The following LAMA2 variants were observed in gnomAD, a reference collection of about 807,000 sequenced individuals.
LAMA2 encodes laminin subunit alpha-2.
Under a neutral mutation model 364.8 loss-of-function variants are expected in LAMA2, and 269 were observed. The observed-to-expected ratio is 0.74, with a 90% CI of 0.67 to 0.82. LAMA2 has a LOEUF of 0.82. Ranked by LOEUF, LAMA2 falls within the 40% of genes least tolerant of loss-of-function variation. The probability of loss-of-function intolerance (pLI) is 0.00; values close to 1 mark genes in which losing one functional copy is unlikely to be tolerated. For missense variants in LAMA2, 3,807 were observed against 3,873.2 expected, an observed-to-expected ratio of 0.98 and a Z score of 0.45; for synonymous variants, 1,379 against 1,370.6, an observed-to-expected ratio of 1.01 and a Z score of -0.14.
At chr6:129,367,404 G>C (rs1397016123) in intron 33 of LAMA2, among the ~76,000 whole-genome samples, 2 of 152,094 alleles carry the variant, frequency 1.3e-5, no homozygotes, top group Non-Finnish European at 2.9e-5. Flanking sequence ...CAATAATCAA[G>C]CAATTAGCAA....
rs566229034 is a variant in LAMA2 at position 129,405,221 on chromosome 6, G to A, written c.5865+1262G>A. The stretch of plus-strand genomic sequence containing the variant: ...CACCTAAAATGGTGCCTGGCAAATA[G>A]TAGGCACTTATAAATGAATGAGTGT... On this transcript the variant is annotated intron_variant, in intron 40 of 64. Transcript: ENST00000421865. 3.9e-5 allele frequency among the ~76,000 whole-genome samples: 6 copies of A among 152,204 alleles called. No homozygotes were observed. The East Asian group carries it at 1.2e-3, about 29-fold the overall frequency.
chr6:128,962,752 A>G (rs1781613134), intron 1 of LAMA2, among the ~76,000 whole-genome samples: 1 of 152,184 alleles, frequency 6.6e-6, no homozygotes, highest in Non-Finnish European at 1.5e-5. Flanking sequence ...CCCAATCACA[A>G]CTGTGATTAA....
chr6:129,424,576 A>G (rs941304760), intron 40 of LAMA2, among the ~76,000 whole-genome samples: 1 of 152,008 alleles, frequency 6.6e-6, no homozygotes, highest in African/African-American at 2.4e-5. Context: ...AAAGATTTAA[A>G]CAGGTCACCA....
intron 1 of LAMA2, among the ~76,000 whole-genome samples, chr6:128,925,925 C>T (rs902654850): frequency 3.9e-5 from 6 of 152,198 alleles, no homozygotes; most frequent in African/African-American, 1.4e-4. Flanking sequence ...TGGGCCTAAA[C>T]TGAATAGGCC....
intron 28 of LAMA2, among the ~76,000 whole-genome samples, chr6:129,327,404 G>GAA (rs4053204): frequency 6.7e-6 from 1 of 148,320 alleles, no homozygotes; most frequent in African/African-American, 2.5e-5. Flanking sequence ...ATTTTTAAGT[G>GAA]AAAAAAAAAA....
chr6:129,200,186 GTATA>G (rs1323656929), intron 12 of LAMA2, among the ~76,000 whole-genome samples: 2 of 129,238 alleles, frequency 1.5e-5, no homozygotes, highest in Non-Finnish European at 3.3e-5. Flanking sequence ...ATATACATGT[GTATA>G]TATACATGTA....
intron 12 of LAMA2, among the ~76,000 whole-genome samples, chr6:129,230,061 A>C (rs1044289515): frequency 6.6e-6 from 1 of 152,180 alleles, no homozygotes; most frequent in Admixed American, 6.6e-5. Context: ...TAGATGTGAT[A>C]ACCAAGAAAA....
intron 35 of LAMA2, among the ~76,000 whole-genome samples, chr6:129,386,168 T>C (rs533831695): frequency 1.3e-5 from 2 of 152,210 alleles, no homozygotes; most frequent in South Asian, 4.1e-4. Context: ...TTGAATTAAG[T>C]TGGAAATAAA....
At chr6:129,044,258 G>T (rs1481612365) in intron 1 of LAMA2, among the ~76,000 whole-genome samples, 1 of 151,804 alleles carries the variant, frequency 6.6e-6, no homozygotes, top group African/African-American at 2.4e-5. Context: ...TGGGAGCTTT[G>T]CTCCAATAAA....
intron 45 of LAMA2, among the ~76,000 whole-genome samples, chr6:129,450,797 G>A (rs756735528): frequency 2.6e-5 from 4 of 152,120 alleles, no homozygotes; most frequent in Non-Finnish European, 4.4e-5. Context: ...CAGGGATAAC[G>A]CACTATGCTA....
chr6:129,116,061 A>T (rs775200337), intron 4 of LAMA2, among the ~76,000 whole-genome samples: 42 of 152,152 alleles, frequency 2.8e-4, no homozygotes, highest in Non-Finnish European at 1.5e-4. Context: ...TATTCTTTAG[A>T]AACTTGCTCT....
chr6:129,069,684 CAAT>C (rs1252488451), intron 3 of LAMA2, among the ~76,000 whole-genome samples: 5 of 147,486 alleles, frequency 3.4e-5, no homozygotes, highest in Admixed American at 2.7e-4. Flanking sequence ...TATAATTGTA[CAAT>C]AATAATGTGT....
chr6:129,431,118 G>T (rs1038100376), intron 41 of LAMA2, among the ~76,000 whole-genome samples: 6 of 151,934 alleles, frequency 3.9e-5, no homozygotes, highest in Middle Eastern at 3.2e-3. Context: ...TAACATGTTG[G>T]CCAGGTGCGG....
In LAMA2 at chr6:129,516,359, G is replaced by A; in HGVS notation, c.*12G>A. On this transcript the variant is annotated 3_prime_UTR_variant, in exon 65 of 65. Coordinates refer to ENST00000421865, the MANE Select transcript of LAMA2 (RefSeq NM_000426.4). ...GCCCAGCCAACTAATAAAAATAAGT[G>A]TAACCCCAGGAAGAGTCTGTCAAAA... is the stretch of plus-strand genomic sequence containing the variant. 6.2e-7 allele frequency: 1 copy of A among 1,613,040 alleles called. No homozygotes were observed. Among genetic ancestry groups the A allele is most frequent in the South Asian group, 1.1e-5 (1 of 91,038 alleles).
chr6:128,947,858 G>A (rs557865473), intron 1 of LAMA2, among the ~76,000 whole-genome samples: 59 of 152,182 alleles, frequency 3.9e-4, no homozygotes, highest in African/African-American at 1.3e-3. Flanking sequence ...AGCAGAAATT[G>A]CAAAGAGTGA....
chr6:129,401,422 A>G, intron 38 of LAMA2, 82 bp downstream of exon 38: 5 of 864,434 alleles, frequency 5.8e-6, no homozygotes, highest in Admixed American at 3.4e-5. Flanking sequence ...AGAAGCAAAT[A>G]CTAGTACTTG....
At chr6:128,959,791 T>C in intron 1 of LAMA2, among the ~76,000 whole-genome samples, 1 of 152,172 alleles carries the variant, frequency 6.6e-6, no homozygotes, top group Non-Finnish European at 1.5e-5. Context: ...TTTACTTATG[T>C]ATTAGGTAAA....
intron 34 of LAMA2, among the ~76,000 whole-genome samples, chr6:129,380,599 G>A (rs1583614997): frequency 6.6e-6 from 1 of 152,128 alleles, no homozygotes; most frequent in Non-Finnish European, 1.5e-5. Flanking sequence ...CTAAGGAGAA[G>A]CACTTAAACT....
intron 35 of LAMA2, among the ~76,000 whole-genome samples, chr6:129,390,980 C>T (rs1456056855): frequency 6.6e-6 from 1 of 152,096 alleles, no homozygotes; most frequent in East Asian, 1.9e-4. Context: ...TAGACCAGTG[C>T]TTCTTTCTTC....
Sources: allele counts gnomAD v4.1 joint callset (sites outside exome capture counted in the v4.1 genomes callset), GRCh38; gene constraint gnomAD v4.1.1; transcripts MANE v1.5; gene names NCBI Gene and HGNC (gene_info 2026-07-23, HGNC 2026-07-21).